The following SPAM1 variants were observed in gnomAD, a reference collection of about 807,000 sequenced individuals.
SPAM1 encodes the protein hyaluronidase PH-20.
Under a neutral mutation model 29.6 loss-of-function variants are expected in SPAM1, and 22 were observed. The observed-to-expected ratio is 0.74, with a 90% CI of 0.53 to 1.06. The LOEUF (loss-of-function observed/expected upper bound fraction) is 1.06. Among genes scored for constraint, SPAM1 ranks in the 50% least tolerant of loss-of-function variants. The pLI, the probability that SPAM1 is intolerant of heterozygous loss-of-function variation, is 0.00. For synonymous variants in SPAM1, 194 were observed against 204.6 expected, an observed-to-expected ratio of 0.95 and a Z score of 0.44; for missense variants, 534 against 604.0, an observed-to-expected ratio of 0.88 and a Z score of 1.21.
chr7:123,930,435 A>G (rs545477877), intron 1 of SPAM1, among the ~76,000 whole-genome samples: 1 of 152,302 alleles, frequency 6.6e-6, no homozygotes, highest in South Asian at 2.1e-4. Context: ...GGTGCAGAAG[A>G]TGCAGCTCCC....
chr7:123,952,893 G>GA (rs11356452), intron 2 of SPAM1, among the ~76,000 whole-genome samples: 106 of 131,464 alleles, frequency 8.1e-4, no homozygotes, highest in East Asian at 6.7e-3. Context: ...GCTCCCCTTT[G>GA]AAAAAAAAAA....
At chr7:123,952,517 T>C (rs957398103) in intron 2 of SPAM1, among the ~76,000 whole-genome samples, 1 of 152,134 alleles carries the variant, frequency 6.6e-6, no homozygotes, top group Non-Finnish European at 1.5e-5. Flanking sequence ...TATACATAAT[T>C]TAATTTCTTG....
At chr7:123,945,197 T>C (rs1808540582) in intron 1 of SPAM1, among the ~76,000 whole-genome samples, 1 of 152,156 alleles carries the variant, frequency 6.6e-6, no homozygotes. Context: ...TTTCTTTACA[T>C]CTCTCTTATT....
chr7:123,966,800 G>T (rs6970775), intron 5 of SPAM1, among the ~76,000 whole-genome samples: 49,914 of 151,792 alleles, frequency 0.33, 9,426 homozygotes, highest in African/African-American at 0.51. Flanking sequence ...GCTAATGGAT[G>T]CTGGACTTAA....
intron 1 of SPAM1, among the ~76,000 whole-genome samples, chr7:123,942,560 T>C (rs1808463240): frequency 6.6e-6 from 1 of 152,206 alleles, no homozygotes; most frequent in Admixed American, 6.5e-5. Flanking sequence ...TTTTAAAAAA[T>C]TGGCTTTGCT....
chr7:123,953,720 C>T lies in SPAM1; in HGVS notation c.150C>T (p.Leu50=). ...CTGTTATTCCAAATGTGCCTTTCCT[C>T]TGGGCCTGGAATGCCCCAAGTGAAT... ...APPVIPNVPF[L]WAWNAPSEFC... is the part of the protein sequence containing the mutation. The change falls in exon 3 of 5, where the codon CTC becomes CTT. Residue 50 remains leucine (L), a synonymous_variant. Coordinates refer to ENST00000682466, the MANE Select transcript of SPAM1 (RefSeq NM_153189.3). 1.2e-6 allele frequency: 2 copies of T among 1,613,378 alleles called. No homozygotes were observed. The highest frequency in any genetic ancestry group is 1.7e-6 in the Non-Finnish European group (2 of 1,179,680).
chr7:123,953,853 A>C lies in SPAM1; in HGVS notation c.283A>C (p.Arg95=). ...GQGVTIFYVD[R]LGYYPYIDSI... ...AGGTGTTACAATATTTTATGTTGATAGACTTGGCTACTATCCTTACATAGA... is the reference window on the plus strand; with the variant it reads ...AGGTGTTACAATATTTTATGTTGATCGACTTGGCTACTATCCTTACATAGA... Residue 95 remains arginine, a synonymous_variant, in exon 3 of 5, where the codon AGA becomes CGA. Coordinates refer to ENST00000682466, the MANE Select transcript of SPAM1 (RefSeq NM_153189.3). 1 of 1,613,720 alleles carries C rather than the reference A, an allele frequency of 6.2e-7. No homozygotes were observed. The highest frequency in any genetic ancestry group is 8.5e-7 in the Non-Finnish European group (1 of 1,179,786).
Position 123,955,002 on chromosome 7 carries a change from A to G in SPAM1, c.960A>G (p.Glu320=), listed in dbSNP as rs758393044. Residue 320 remains glutamate, a synonymous_variant, in exon 4 of 5, where the codon GAA becomes GAG. Coordinates refer to ENST00000682466, the MANE Select transcript of SPAM1 (RefSeq NM_153189.3). ...CTTTCTGTCACATTTTCCAGGATGA[A>G]CTTGTGTATACATTTGGCGAAACTG... ...DQVLKFLSQD[E]LVYTFGETVA... The G allele has an allele frequency of 2.3e-5, 37 of 1,609,364 alleles. No individual in the cohort carries two copies. Among genetic ancestry groups the G allele is most frequent in the Middle Eastern group, 3.3e-4 (2 of 6,056 alleles).
At chr7:123,961,117 G>C (rs1057234882), downstream of SPAM1, among the ~76,000 whole-genome samples, 1 of 151,750 alleles carries the variant, frequency 6.6e-6, no homozygotes, top group Non-Finnish European at 1.5e-5. Flanking sequence ...CATACAATGT[G>C]TAATGATCAT....
At chr7:123,960,078 T>C, downstream of SPAM1, 3 of 1,453,256 alleles carry the variant, frequency 2.1e-6, no homozygotes, top group Non-Finnish European at 2.7e-6. Flanking sequence ...TTTTGGAAAG[T>C]TCTTTCTGAA....
At chr7:123,966,115 G>C (rs564643049) in intron 5 of SPAM1, among the ~76,000 whole-genome samples, 15 of 152,102 alleles carry the variant, frequency 9.9e-5, no homozygotes, top group African/African-American at 3.4e-4. Flanking sequence ...CAAAGGATAT[G>C]AACAGATATT....
At chr7:123,928,948 A>G (rs1056814792) in intron 1 of SPAM1, among the ~76,000 whole-genome samples, 2 of 152,104 alleles carry the variant, frequency 1.3e-5, no homozygotes, top group South Asian at 2.1e-4. Flanking sequence ...AGCAAGGACA[A>G]TTGATGTTAA....
chr7:123,947,847 T>A (rs909095953), intron 1 of SPAM1: 3 of 152,102 alleles, frequency 2.0e-5, no homozygotes, highest in Admixed American at 6.6e-5. Flanking sequence ...GGTACTGTTT[T>A]GTAAAAAAAG....
Position 123,946,553 on chromosome 7 carries a change from T to C in SPAM1, c.-318-3319T>C, listed in dbSNP as rs539444579. Among the ~76,000 whole-genome samples the C allele has an allele frequency of 2.6e-5, 4 of 152,276 alleles. No homozygotes were observed. In the South Asian group the frequency reaches 8.3e-4, roughly 32 times the overall value. On this transcript the variant is annotated intron_variant, in intron 1 of 4. Coordinates refer to ENST00000682466, the MANE Select transcript of SPAM1 (RefSeq NM_153189.3). ...CACAGCTTCATGAGGTCCTGACAAA[T>C]GTCCTCAAGTAGGTTAGGGTACAGC...
At chr7:123,933,153 A>G (rs1163891360) in intron 1 of SPAM1, among the ~76,000 whole-genome samples, 2 of 151,622 alleles carry the variant, frequency 1.3e-5, no homozygotes, top group Non-Finnish European at 2.9e-5. Flanking sequence ...TGCTTCACCT[A>G]TCAACCTGTT....
chr7:123,945,960 C>A (rs1207614924), intron 1 of SPAM1, among the ~76,000 whole-genome samples: 4 of 152,044 alleles, frequency 2.6e-5, no homozygotes, highest in Non-Finnish European at 5.9e-5. Context: ...CAACAAAAAA[C>A]CCCAACAGTA....
Position 123,959,742 on chromosome 7 carries a change from T to C in SPAM1, c.1303T>C (p.Cys435Arg). 6.2e-7 allele frequency: 1 copy of C among 1,613,312 alleles called. No homozygotes were observed. Among genetic ancestry groups the C allele is most frequent in the African/African-American group, 1.3e-5 (1 of 74,992 alleles). ...GGAGCAATTTTCTGAAAAATTTTATTGCAGCTGTTATAGCACCTTGAGTTG... is the reference window on the plus strand; with the variant it reads ...GGAGCAATTTTCTGAAAAATTTTATCGCAGCTGTTATAGCACCTTGAGTTG... ...DLEQFSEKFY[C>R]SCYSTLSCKE... The change falls in exon 5 of 5, where the codon TGC becomes CGC. Residue 435 changes from cysteine to arginine, a missense_variant. Cys to Arg is a radical substitution (Grantham distance 180). Coordinates refer to ENST00000682466, the MANE Select transcript of SPAM1 (RefSeq NM_153189.3).
chr7:123,946,517 C>T (rs183519843), intron 1 of SPAM1, among the ~76,000 whole-genome samples: 8 of 152,232 alleles, frequency 5.3e-5, no homozygotes, highest in South Asian at 2.1e-4. Context: ...AGGTTAAGGA[C>T]GTGCCTGTGA....
chr7:123,939,976 A>G (rs1584951242), intron 1 of SPAM1, among the ~76,000 whole-genome samples: 1 of 152,094 alleles, frequency 6.6e-6, no homozygotes, highest in South Asian at 2.1e-4. Context: ...GCTACAAATT[A>G]TCACTTTTCC....
Sources: allele counts gnomAD v4.1 joint callset (sites outside exome capture counted in the v4.1 genomes callset), GRCh38; gene constraint gnomAD v4.1.1; transcripts MANE v1.5; gene names NCBI Gene and HGNC (gene_info 2026-07-23, HGNC 2026-07-21).